The following VTI1A variants were observed in gnomAD, a reference collection of about 807,000 sequenced individuals.
VTI1A encodes vesicle transport through interaction with t-SNAREs 1A.
Under a neutral mutation model 34.9 loss-of-function variants are expected in VTI1A, and 22 were observed. The ratio of observed to expected loss-of-function variants is 0.63; its 90% CI spans 0.45 to 0.90. The LOEUF is 0.90. VTI1A is among the 40% of genes least tolerant of loss of function. The pLI is 0.00. For synonymous variants in VTI1A, 87 were observed against 97.3 expected (o/e 0.89, Z 0.62); for missense variants, 268 against 275.6 (o/e 0.97, Z 0.20).
At chr10:112,651,210 A>G (rs1003622153) in intron 5 of VTI1A, among the ~76,000 whole-genome samples, 6 of 152,164 alleles carry the variant, frequency 3.9e-5, no homozygotes, top group Non-Finnish European at 5.9e-5. Context: ...GACCTATTAG[A>G]TGGTTTTTAC....
intron 1 of VTI1A, among the ~76,000 whole-genome samples, chr10:112,460,044 ATATT>A (rs1435530487): frequency 6.6e-6 from 1 of 152,206 alleles, no homozygotes; most frequent in Non-Finnish European, 1.5e-5. Flanking sequence ...CTAACTTCAA[ATATT>A]TATTCCATTA....
chr10:112,831,226 T>A, the VTI1A span: 1 of 152,286 alleles, frequency 6.6e-6, no homozygotes, highest in Non-Finnish European at 1.5e-5. Context: ...GACAACCTGC[T>A]CAGCCAAAAC....
chr10:112,840,454 C>G, the VTI1A span, among the ~76,000 whole-genome samples: 2 of 152,198 alleles, frequency 1.3e-5, no homozygotes, highest in East Asian at 1.9e-4. Context: ...GGTGGCTAGG[C>G]TAACTCCTTT....
rs746005205 is a variant in VTI1A at position 112,517,170 on chromosome 10, A to G, written c.265-9917A>G. 4.6e-5 allele frequency among the ~76,000 whole-genome samples: 7 copies of G among 152,026 alleles called. No individual in the cohort carries two copies. The East Asian group carries it at 5.8e-4, about 13-fold the overall frequency. Reference sequence around the variant, plus strand: ...GGAGAGACTGAGAAAGAGAAGCACAATTCCTCCAAGGATAGGAGGAATTCA... The same window carrying G: ...GGAGAGACTGAGAAAGAGAAGCACAGTTCCTCCAAGGATAGGAGGAATTCA... On this transcript the variant is annotated intron_variant, in intron 3 of 7. Coordinates refer to ENST00000393077, the MANE Select transcript of VTI1A (RefSeq NM_145206.4).
At chr10:112,806,785 C>G (rs1853097508) in intron 7 of VTI1A, among the ~76,000 whole-genome samples, 2 of 151,998 alleles carry the variant, frequency 1.3e-5, no homozygotes, top group African/African-American at 4.8e-5. Context: ...GAGGGTCTCT[C>G]TATGTTGCCC....
chr10:112,711,716 G>T (rs903053182), intron 7 of VTI1A, among the ~76,000 whole-genome samples: 3 of 152,142 alleles, frequency 2.0e-5, no homozygotes, highest in Non-Finnish European at 4.4e-5. Context: ...TGATTGCTTT[G>T]GAGTCATTTA....
At chr10:112,495,651 A>G (rs1207245101) in intron 3 of VTI1A, among the ~76,000 whole-genome samples, 1 of 152,214 alleles carries the variant, frequency 6.6e-6, no homozygotes, top group African/African-American at 2.4e-5. Context: ...ATCAAGTTTG[A>G]TTTCAGAGGA....
chr10:112,598,214 A>T (rs182468543), intron 5 of VTI1A, among the ~76,000 whole-genome samples: 1 of 152,210 alleles, frequency 6.6e-6, no homozygotes, highest in Non-Finnish European at 1.5e-5. Context: ...ACTCTTGGGC[A>T]CCTTGATTTT....
At chr10:112,504,205 A>G (rs994235260) in intron 3 of VTI1A, among the ~76,000 whole-genome samples, 7 of 152,192 alleles carry the variant, frequency 4.6e-5, no homozygotes, top group Admixed American at 2.0e-4. Flanking sequence ...ATAAAGATGT[A>G]TAAGGAAAAC....
intron 7 of VTI1A, among the ~76,000 whole-genome samples, chr10:112,810,171 G>A (rs1288680751): frequency 1.3e-5 from 2 of 152,028 alleles, no homozygotes; most frequent in Admixed American, 1.3e-4. Context: ...GGGAGGCCAA[G>A]ATGGGCAGAT....
Position 112,667,722 on chromosome 10 carries a change from CTACCAATAAGCTACAGTAGGTGAGCA to C in VTI1A, c.428-493_428-468del, listed in dbSNP as rs367931161. 3.7e-3 allele frequency among the ~76,000 whole-genome samples: 564 copies of C among 152,250 alleles called. 5 individuals carry two copies. Among genetic ancestry groups the C allele is most frequent in the African/African-American group, 0.011 (473 of 41,556 alleles). Reference sequence around the variant, plus strand: ...AGAGCAAAAGCCTAGAGATAGTTCACTACCAATAAGCTACAGTAGGTGAGCATATGAGGATTACTTATGCAGGGTGA... The same window carrying C: ...AGAGCAAAAGCCTAGAGATAGTTCACTATGAGGATTACTTATGCAGGGTGA... On this transcript the variant is annotated intron_variant, in intron 5 of 7. Coordinates refer to ENST00000393077, the MANE Select transcript of VTI1A (RefSeq NM_145206.4).
chr10:112,842,891 G>C, the VTI1A span, among the ~76,000 whole-genome samples: 3 of 152,188 alleles, frequency 2.0e-5, no homozygotes, highest in Non-Finnish European at 4.4e-5. Flanking sequence ...AAGTAGGAAG[G>C]GTTCCAATAC....
intron 1 of VTI1A, among the ~76,000 whole-genome samples, chr10:112,453,706 G>A (rs1847324951): frequency 6.6e-6 from 1 of 151,640 alleles, no homozygotes; most frequent in Non-Finnish European, 1.5e-5. Flanking sequence ...CTTTCTGATA[G>A]TATAAGATAC....
At position 112,537,599 on chromosome 10, in the gene VTI1A, C is replaced by T. The variant is rs541892560; in HGVS notation, c.343-647C>T. On this transcript the variant is annotated intron_variant, in intron 4 of 7. Coordinates refer to ENST00000393077, the MANE Select transcript of VTI1A (RefSeq NM_145206.4). Reference sequence around the variant, plus strand: ...TGTGTGTTAAAATATCAACATCAATCTACATAGTGCCATATATTTAGGAAC... The same window carrying T: ...TGTGTGTTAAAATATCAACATCAATTTACATAGTGCCATATATTTAGGAAC... Among the ~76,000 whole-genome samples, 7 of 152,048 alleles carry T rather than the reference C, an allele frequency of 4.6e-5. No individual in the cohort carries two copies. In the South Asian group the frequency reaches 1.5e-3, roughly 32 times the overall value.
intron 5 of VTI1A, among the ~76,000 whole-genome samples, chr10:112,653,467 G>A (rs925049637): frequency 9.2e-5 from 14 of 152,328 alleles, no homozygotes; most frequent in African/African-American, 3.4e-4. Flanking sequence ...AAGGCACAGT[G>A]CACAACAGTG....
At chr10:112,700,141 C>CAAA (rs1242861727) in intron 7 of VTI1A, among the ~76,000 whole-genome samples, 1 of 104,098 alleles carries the variant, frequency 9.6e-6, no homozygotes, top group African/African-American at 4.2e-5. Flanking sequence ...AAAAACAAAA[C>CAAA]AAAAAAAAAA....
At chr10:112,639,489 A>G (rs910336458) in intron 5 of VTI1A, among the ~76,000 whole-genome samples, 7 of 152,158 alleles carry the variant, frequency 4.6e-5, no homozygotes, top group African/African-American at 1.7e-4. Flanking sequence ...TCATTTTGGC[A>G]TACTCAGACC....
At chr10:112,802,433 C>T (rs528004533) in intron 7 of VTI1A, among the ~76,000 whole-genome samples, 65 of 152,250 alleles carry the variant, frequency 4.3e-4, no homozygotes, top group African/African-American at 1.5e-3. Flanking sequence ...GTTGAGGCTT[C>T]GGTTTCCTCC....
intron 3 of VTI1A, among the ~76,000 whole-genome samples, chr10:112,482,734 G>A (rs1284917191): frequency 6.6e-6 from 1 of 152,168 alleles, no homozygotes; most frequent in Non-Finnish European, 1.5e-5. Flanking sequence ...ATGAGCAGTT[G>A]TATTTCTTGT....
Sources: allele counts gnomAD v4.1 joint callset (sites outside exome capture counted in the v4.1 genomes callset), GRCh38; gene constraint gnomAD v4.1.1; transcripts MANE v1.5; gene names NCBI Gene and HGNC (gene_info 2026-07-23, HGNC 2026-07-21).